Variants in SCML4 observed in about 807,000 individuals in gnomAD.
The protein encoded by SCML4 is sex comb on midleg-like protein 4.
In SCML4, 34 loss-of-function variants were observed where a neutral mutation model predicts 41.1. The observed-to-expected ratio is 0.83, with a 90% CI of 0.63 to 1.10. The LOEUF (loss-of-function observed/expected upper bound fraction) is 1.10. Among genes scored for constraint, SCML4 ranks in the 50% least tolerant of loss-of-function variants. The pLI, the probability that SCML4 is intolerant of heterozygous loss-of-function variation, is 0.00. For synonymous variants in SCML4, 214 were observed against 220.9 expected (o/e 0.97, Z 0.28); for missense variants, 522 against 534.1 (o/e 0.98, Z 0.22).
rs150290151 is a variant in SCML4, at chr6:107,720,879, G to A, written c.797C>T (p.Ser266Leu). The A allele has an allele frequency of 4.0e-5, 64 of 1,614,158 alleles. No homozygotes were observed. The highest frequency in any genetic ancestry group is 5.3e-5 in the African/African-American group (4 of 75,052). The change falls in exon 6 of 8, where the codon TCG (serine) becomes TTG (leucine). Residue 266 changes from serine to leucine, a missense_variant. Coordinates refer to ENST00000369020, the MANE Select transcript of SCML4 (RefSeq NM_198081.5). ...NHRGSLHPSS[S>L]LYCKRQNSGD... ...AGAGTTCTGCCTCTTGCAGTACAGC[G>A]AGGAGGAGGGGTGCAAGGAGCCCCT...
At chr6:107,782,233 C>A (rs1389325973) in intron 1 of SCML4, among the ~76,000 whole-genome samples, 1 of 152,210 alleles carries the variant, frequency 6.6e-6, no homozygotes, top group Non-Finnish European at 1.5e-5. Context: ...GTTTTCCTGG[C>A]CTGGCTCAGC....
At chr6:107,761,752 T>G (rs951491586) in intron 2 of SCML4, among the ~76,000 whole-genome samples, 5 of 151,896 alleles carry the variant, frequency 3.3e-5, no homozygotes, top group African/African-American at 1.2e-4. Context: ...TAATATCGTC[T>G]ATGTGCTTCA....
chr6:107,801,603 T>C (rs1470565892), intron 1 of SCML4, among the ~76,000 whole-genome samples: 1 of 152,226 alleles, frequency 6.6e-6, no homozygotes, highest in Non-Finnish European at 1.5e-5. Flanking sequence ...CAAATGTCTT[T>C]CACATCCTTC....
chr6:107,763,417 C>T (rs143826331), intron 2 of SCML4, among the ~76,000 whole-genome samples: 224 of 150,040 alleles, frequency 1.5e-3, no homozygotes, highest in African/African-American at 4.8e-3. Context: ...GACAGAGCCT[C>T]GCTCTGTCAT....
the SCML4 span, among the ~76,000 whole-genome samples, chr6:107,838,232 G>A: frequency 3.3e-5 from 5 of 152,218 alleles, no homozygotes; most frequent in South Asian, 1.0e-3. Context: ...TAAGAGGATA[G>A]TAGGGGCTTC....
chr6:107,785,579 C>T (rs1055842625), intron 1 of SCML4, among the ~76,000 whole-genome samples: 1 of 152,210 alleles, frequency 6.6e-6, no homozygotes, highest in Non-Finnish European at 1.5e-5. Flanking sequence ...CAGAGAGGAT[C>T]ACAGGTCACT....
intron 2 of SCML4, among the ~76,000 whole-genome samples, chr6:107,768,271 C>G (rs989500814): frequency 6.6e-6 from 1 of 152,076 alleles, no homozygotes; most frequent in Non-Finnish European, 1.5e-5. Flanking sequence ...GTCCCCACCC[C>G]ATGGAGCCAT....
intron 1 of SCML4, 145 bp from the exon 2 acceptor site, chr6:107,772,531 T>C: frequency 3.8e-6 from 2 of 528,436 alleles, no homozygotes; most frequent in Non-Finnish European, 3.3e-6. Context: ...TAGGTACCAC[T>C]AGATGCATTT....
chr6:107,756,786 A>G (rs1779150718), intron 2 of SCML4, among the ~76,000 whole-genome samples: 1 of 152,194 alleles, frequency 6.6e-6, no homozygotes, highest in South Asian at 2.1e-4. Context: ...TGTTTTCAAA[A>G]TATTAAAAAC....
At chr6:107,839,371 A>G in the SCML4 span, among the ~76,000 whole-genome samples, 2 of 146,600 alleles carry the variant, frequency 1.4e-5, no homozygotes, top group Non-Finnish European at 3.0e-5. Flanking sequence ...GAAAGAAGGA[A>G]AGAAAGAAAG....
At chr6:107,797,824 T>C (rs1227735808) in intron 1 of SCML4, among the ~76,000 whole-genome samples, 1 of 151,996 alleles carries the variant, frequency 6.6e-6, no homozygotes, top group African/African-American at 2.4e-5. Context: ...AGAGGTTTTT[T>C]TAATCGTGAA....
chr6:107,759,132 C>CAAA (rs60124415), intron 2 of SCML4, among the ~76,000 whole-genome samples: 46 of 88,220 alleles, frequency 5.2e-4, no homozygotes, highest in African/African-American at 1.2e-3. Context: ...ACAAAAAATA[C>CAAA]AAAAAAAAAA....
At chr6:107,836,369 TG>T in the SCML4 span, among the ~76,000 whole-genome samples, 1 of 152,188 alleles carries the variant, frequency 6.6e-6, no homozygotes, top group Non-Finnish European at 1.5e-5. Context: ...CAGAGCTCTC[TG>T]TCTCTCCCAC....
Position 107,703,446 on chromosome 6 carries a change from T to C in SCML4, c.*1754A>G, listed in dbSNP as rs1346725947. ...TGCCATGCTCTCAGTCCAGCCGCCA[T>C]TTGTGTGTCTGAAAAGGAGGCTACG... On this transcript the variant is annotated 3_prime_UTR_variant, in exon 8 of 8. Coordinates refer to ENST00000369020, the MANE Select transcript of SCML4 (RefSeq NM_198081.5). 6.6e-6 allele frequency among the ~76,000 whole-genome samples: 1 copy of C among 152,188 alleles called. No individual in the cohort carries two copies. The highest frequency in any genetic ancestry group is 2.4e-5 in the African/African-American group (1 of 41,440).
At chr6:107,735,030 C>G (rs1044906950) in intron 5 of SCML4, among the ~76,000 whole-genome samples, 1 of 152,094 alleles carries the variant, frequency 6.6e-6, no homozygotes, top group Non-Finnish European at 1.5e-5. Context: ...CATCCACCAC[C>G]ACACCTGGCT....
At chr6:107,755,383 C>T (rs1393142103) in intron 2 of SCML4, among the ~76,000 whole-genome samples, 4 of 152,116 alleles carry the variant, frequency 2.6e-5, no homozygotes, top group Non-Finnish European at 5.9e-5. Flanking sequence ...AGTAGAAATA[C>T]CCTTTTGACT....
intron 7 of SCML4, among the ~76,000 whole-genome samples, chr6:107,706,787 C>T (rs911205212): frequency 1.3e-5 from 2 of 151,982 alleles, no homozygotes; most frequent in African/African-American, 4.8e-5. Context: ...CCCGAGCAGC[C>T]GAACAGGCCT....
chr6:107,836,539 AC>A, the SCML4 span, among the ~76,000 whole-genome samples: 1 of 152,038 alleles, frequency 6.6e-6, no homozygotes, highest in Non-Finnish European at 1.5e-5. Context: ...ATCCTCACTG[AC>A]TCTGGGCTTC....
chr6:107,726,949 A>ACATGAATGTTTACAGCAGCC (rs1199815493), intron 5 of SCML4, among the ~76,000 whole-genome samples: 1 of 152,268 alleles, frequency 6.6e-6, no homozygotes, highest in Admixed American at 6.5e-5. Flanking sequence ...AAAAATCTGT[A>ACATGAATGTTTACAGCAGCC]CATGAATGTT....
Sources: gnomAD v4.1 joint callset for allele counts (sites outside exome capture counted in the v4.1 genomes callset) on GRCh38, gnomAD v4.1.1 for gene constraint, MANE v1.5 for transcripts, NCBI Gene and HGNC (gene_info 2026-07-23, HGNC 2026-07-21) for gene names.